Variants in AOPEP observed in about 807,000 individuals in gnomAD.
AOPEP encodes the protein aminopeptidase O (putative), also known as aminopeptidase O.
Under a neutral mutation model 98.1 loss-of-function variants are expected in AOPEP, and 77 were observed. The ratio of observed to expected loss-of-function variants is 0.78; its 90% CI spans 0.65 to 0.95. The LOEUF is 0.95. AOPEP is among the 40% of genes least tolerant of loss of function. The probability of loss-of-function intolerance (pLI) is 0.00; values close to 1 mark genes in which losing one functional copy is unlikely to be tolerated. For missense variants in AOPEP, 1,024 were observed against 1,024.7 expected (o/e 1.00, Z 0.01); for synonymous variants, 346 against 365.3 (o/e 0.95, Z 0.60).
At chr9:95,069,902 A>G (rs1483495161) in intron 14 of AOPEP, among the ~76,000 whole-genome samples, 2 of 152,224 alleles carry the variant, frequency 1.3e-5, no homozygotes, top group Admixed American at 1.3e-4. Flanking sequence ...TGTCCTCTTA[A>G]CCCTGTGCCT....
rs141632258 is a variant in AOPEP at position 94,733,014 on chromosome 9, C to G, written c.-136+6263C>G. ...TAACAAATTTTTTTTTGTTTTGGAA[C>G]ATGGCATAACATCTTTTCTAATAAG... On this transcript the variant is annotated intron_variant, in intron 1 of 16. Coordinates refer to ENST00000375315, the MANE Select transcript of AOPEP (RefSeq NM_001193329.3). Among the ~76,000 whole-genome samples, 76 of 151,760 alleles carry G rather than the reference C, an allele frequency of 5.0e-4. No homozygotes were observed. In the Middle Eastern group the frequency reaches 0.017, roughly 34 times the overall value.
the AOPEP span, among the ~76,000 whole-genome samples, chr9:95,098,000 G>A: frequency 6.6e-6 from 1 of 152,086 alleles, no homozygotes; most frequent in Non-Finnish European, 1.5e-5. Flanking sequence ...TGGGGGAGGT[G>A]GTCCTGGGCT....
intron 3 of AOPEP, among the ~76,000 whole-genome samples, chr9:94,776,096 C>T (rs1842034005): frequency 6.6e-6 from 1 of 152,082 alleles, no homozygotes; most frequent in South Asian, 2.1e-4. Flanking sequence ...ACGTGTTTTT[C>T]TTACCTCTAT....
At chr9:95,011,928 T>TTAC (rs2062557511) in intron 13 of AOPEP, among the ~76,000 whole-genome samples, 1 of 152,228 alleles carries the variant, frequency 6.6e-6, no homozygotes, top group African/African-American at 2.4e-5. Context: ...CATCATCCAC[T>TTAC]TACCCACATA....
In AOPEP at chr9:94,773,165, G is replaced by A. The variant is rs769421153; in HGVS notation, c.961G>A (p.Glu321Lys). ...ENSAKPTQLWEECSSWYYYVT... is the reference protein window; with the variant it reads ...ENSAKPTQLWKECSSWYYYVT... Reference sequence around the variant, plus strand: ...TTCTGCCAAACCAACGCAGCTTTGGGAAGGTACTGTACATGTGTTCTTTGC... The same window carrying A: ...TTCTGCCAAACCAACGCAGCTTTGGAAAGGTACTGTACATGTGTTCTTTGC... Residue 321 changes from glutamate to lysine, a missense_variant, in exon 3 of 17, where the codon GAA becomes AAA. This residue lies in a region of AOPEP where 440 missense variants were observed against 433.8 expected (regional missense o/e 1.01). Coordinates refer to ENST00000375315, the MANE Select transcript of AOPEP (RefSeq NM_001193329.3). 1 of 1,613,858 alleles carries A rather than the reference G, an allele frequency of 6.2e-7. No individual in the cohort carries two copies. The highest frequency in any genetic ancestry group is 8.5e-7 in the Non-Finnish European group (1 of 1,179,870).
chr9:94,964,342 G>A (rs916138032), intron 9 of AOPEP, among the ~76,000 whole-genome samples: 4 of 152,130 alleles, frequency 2.6e-5, no homozygotes, highest in Admixed American at 6.5e-5. Context: ...CAGGGTTTCC[G>A]GGGCCTCCTG....
At chr9:94,968,999 G>A (rs2059374393) in intron 10 of AOPEP, among the ~76,000 whole-genome samples, 1 of 152,086 alleles carries the variant, frequency 6.6e-6, no homozygotes, top group African/African-American at 2.4e-5. Context: ...CCAACAAGAG[G>A]ACCAAGATAC....
rs200812236 is a variant in AOPEP at position 94,871,217 on chromosome 9, T to C, written c.1365-52769T>C. ...TGACCTTGATTCAACTTGCTATCTTTAGCTTTGCTCTCTTAACCACAGGCA... is the reference window on the plus strand; with the variant it reads ...TGACCTTGATTCAACTTGCTATCTTCAGCTTTGCTCTCTTAACCACAGGCA... On this transcript the variant is annotated intron_variant, in intron 5 of 16. Coordinates refer to ENST00000375315, the MANE Select transcript of AOPEP (RefSeq NM_001193329.3). Among the ~76,000 whole-genome samples, 30 of 152,354 alleles carry C rather than the reference T, an allele frequency of 2.0e-4. 1 individual carries two copies. The East Asian group carries it at 5.6e-3, about 28-fold the overall frequency.
At chr9:95,110,577 A>C in the AOPEP span, 195 of 1,034,600 alleles carry the variant, frequency 1.9e-4, 2 homozygotes, top group African/African-American at 3.2e-3. Context: ...ACTTTTTAAA[A>C]TCTAAAACTA....
intron 10 of AOPEP, among the ~76,000 whole-genome samples, chr9:94,978,056 C>T (rs1462161312): frequency 1.3e-5 from 2 of 152,152 alleles, no homozygotes; most frequent in Non-Finnish European, 2.9e-5. Context: ...TTTCCTCCAG[C>T]CCTCCCAAAG....
At chr9:94,928,774 G>T in intron 7 of AOPEP, 1 of 446,072 alleles carries the variant, frequency 2.2e-6, no homozygotes. Context: ...CCGGGGGTCA[G>T]ATCCTTCGTT....
chr9:94,931,249 A>G (rs2055248436), intron 7 of AOPEP, among the ~76,000 whole-genome samples: 1 of 152,160 alleles, frequency 6.6e-6, no homozygotes, highest in Non-Finnish European at 1.5e-5. Context: ...AGTTGGGAGA[A>G]CAATCTAGTA....
intron 5 of AOPEP, among the ~76,000 whole-genome samples, chr9:94,841,765 C>T (rs4744382): frequency 0.96 from 146,149 of 152,306 alleles, 70,158 homozygotes; most frequent in African/African-American, 0.99. Context: ...AGAATATCTA[C>T]TCCTAGCTGG....
In AOPEP at chr9:95,042,758, T is replaced by A. The variant is rs528036778; in HGVS notation, c.2116-17936T>A. 3.9e-5 allele frequency among the ~76,000 whole-genome samples: 6 copies of A among 152,320 alleles called. No individual in the cohort carries two copies. In the South Asian group the frequency reaches 1.2e-3, roughly 32 times the overall value. On this transcript the variant is annotated intron_variant, in intron 13 of 16. Coordinates refer to ENST00000375315, the MANE Select transcript of AOPEP (RefSeq NM_001193329.3). ...TCTCTCTCTTGCCTGCCTTTTCTAC[T>A]TATATGGACACTTATGCTTACGTTG...
chr9:94,770,934 T>C (rs1840724751), intron 2 of AOPEP, among the ~76,000 whole-genome samples: 2 of 152,244 alleles, frequency 1.3e-5, no homozygotes, highest in Admixed American at 6.5e-5. Flanking sequence ...AGCAGCTGGC[T>C]ACTTCACAGA....
intron 11 of AOPEP, among the ~76,000 whole-genome samples, chr9:95,004,593 C>G (rs1434659196): frequency 1.3e-5 from 2 of 152,134 alleles, no homozygotes; most frequent in Non-Finnish European, 2.9e-5. Flanking sequence ...ACTCCAGGAG[C>G]GCGCTACGCT....
At chr9:94,869,370 G>A (rs867961377) in intron 5 of AOPEP, among the ~76,000 whole-genome samples, 1 of 152,224 alleles carries the variant, frequency 6.6e-6, no homozygotes, top group Admixed American at 6.5e-5. Flanking sequence ...CCTTTAAGTT[G>A]TTGACTGTTA....
At chr9:94,970,996 T>C (rs1283469229) in intron 10 of AOPEP, among the ~76,000 whole-genome samples, 1 of 152,170 alleles carries the variant, frequency 6.6e-6, no homozygotes, top group Non-Finnish European at 1.5e-5. Flanking sequence ...GGCATAAATA[T>C]AGTAATTTTC....
At chr9:94,842,356 G>A (rs184127185) in intron 5 of AOPEP, among the ~76,000 whole-genome samples, 19 of 152,160 alleles carry the variant, frequency 1.2e-4, no homozygotes, top group African/African-American at 4.3e-4. Context: ...GCGAGACTCC[G>A]TCTTACAAAA....
Sources: allele counts gnomAD v4.1 joint callset (sites outside exome capture counted in the v4.1 genomes callset), GRCh38; gene constraint gnomAD v4.1.1; regional missense constraint gnomAD v4.1.1; transcripts MANE v1.5; gene names NCBI Gene and HGNC (gene_info 2026-07-23, HGNC 2026-07-21).